Variants in MLLT3 observed in about 807,000 individuals in gnomAD.
The protein encoded by MLLT3 is protein AF-9.
MLLT3 carries 4 observed loss-of-function variants against 53.2 expected under a neutral mutation model. The ratio of observed to expected loss-of-function variants is 0.08; its 90% CI spans 0.04 to 0.17. MLLT3 has a LOEUF of 0.17. MLLT3 is among the 10% of genes least tolerant of loss of function. The pLI is 1.00. For missense variants in MLLT3, 569 were observed against 684.0 expected, an observed-to-expected ratio of 0.83 and a Z score of 1.87; for synonymous variants, 283 against 230.6, an observed-to-expected ratio of 1.23 and a Z score of -2.06.
intron 3 of MLLT3, among the ~76,000 whole-genome samples, chr9:20,449,469 A>G (rs896615221): frequency 3.3e-5 from 5 of 152,220 alleles, no homozygotes; most frequent in African/African-American, 1.2e-4. Flanking sequence ...ATCTTTAGCC[A>G]CGCAAGGTGA....
At chr9:20,509,550 T>C (rs1825472979) in intron 2 of MLLT3, among the ~76,000 whole-genome samples, 1 of 152,206 alleles carries the variant, frequency 6.6e-6, no homozygotes. Context: ...CTCCTAAGCA[T>C]TAATATCTAC....
At chr9:20,467,813 G>A (rs1824273232) in intron 2 of MLLT3, among the ~76,000 whole-genome samples, 1 of 152,204 alleles carries the variant, frequency 6.6e-6, no homozygotes, top group African/African-American at 2.4e-5. Flanking sequence ...CAGAAATTAT[G>A]ACTGTACCTC....
intron 10 of MLLT3, among the ~76,000 whole-genome samples, chr9:20,351,039 C>A (rs1220702940): frequency 6.6e-6 from 1 of 152,146 alleles, no homozygotes; most frequent in African/African-American, 2.4e-5. Context: ...CACGGACAAC[C>A]ACCACATAAA....
chr9:20,486,673 T>C (rs531211137), intron 2 of MLLT3, among the ~76,000 whole-genome samples: 157 of 152,278 alleles, frequency 1.0e-3, no homozygotes, highest in African/African-American at 3.7e-3. Flanking sequence ...GGAAGACACG[T>C]GGCAACAAAT....
intron 4 of MLLT3, among the ~76,000 whole-genome samples, chr9:20,421,283 A>G (rs1823001980): frequency 6.6e-6 from 1 of 152,098 alleles, no homozygotes; most frequent in Non-Finnish European, 1.5e-5. Context: ...AATAAAATAA[A>G]TAAATTAAAG....
rs1820846825 is a variant in MLLT3 at position 20,345,620 on chromosome 9, G to A, written c.*823C>T. ...CAATGCTGGATTCAGGACATTTACA[G>A]GTACACTTTTGTTTAAAAGTCCTAC... is the stretch of plus-strand genomic sequence containing the variant. On this transcript the variant is annotated 3_prime_UTR_variant, in exon 11 of 11. Transcript: ENST00000380338. The A allele has an allele frequency of 4.8e-6, 1 of 209,764 alleles. No individual in the cohort carries two copies. Among genetic ancestry groups the A allele is most frequent in the South Asian group, 1.9e-4 (1 of 5,304 alleles). 13.0% of individuals were successfully genotyped at this position (209,764 alleles called of 1,614,324 possible).
chr9:20,621,718 G>T lies in MLLT3; in HGVS notation c.12+527C>A. ...CTGGGGCAAAGTTGCGTGCGGCCCCGCCGCTGTCAGCCCCGCACACTTCGG... is the reference window on the plus strand; with the variant it reads ...CTGGGGCAAAGTTGCGTGCGGCCCCTCCGCTGTCAGCCCCGCACACTTCGG... On this transcript the variant is annotated intron_variant, in intron 1 of 10. Transcript: ENST00000380338. This position sits in a 1 kb window ranked among gnomAD's most constrained non-coding sequence, Gnocchi z 7.0. 6.8e-7 allele frequency: 1 copy of T among 1,475,954 alleles called. No individual in the cohort carries two copies. The highest frequency in any genetic ancestry group is 9.0e-7 in the Non-Finnish European group (1 of 1,115,846). 91.4% of individuals were successfully genotyped at this position (1,475,954 alleles called of 1,614,324 possible).
intron 4 of MLLT3, among the ~76,000 whole-genome samples, chr9:20,447,084 C>A (rs1006288627): frequency 6.6e-6 from 1 of 152,088 alleles, no homozygotes; most frequent in Non-Finnish European, 1.5e-5. Context: ...AATAGTCACA[C>A]AATTATATAC....
At chr9:20,363,313 C>T (rs1821370840) in intron 7 of MLLT3, 163 bp downstream of exon 7, 1 of 699,642 alleles carries the variant, frequency 1.4e-6, no homozygotes, top group Non-Finnish European at 2.2e-6. Flanking sequence ...AAACAGTTCC[C>T]TGTAAAGTGT....
intron 2 of MLLT3, among the ~76,000 whole-genome samples, chr9:20,586,933 A>T (rs1165147374): frequency 1.3e-5 from 2 of 152,128 alleles, no homozygotes; most frequent in African/African-American, 4.8e-5. Context: ...ATGAAATGAA[A>T]CCTCAATCTG....
intron 2 of MLLT3, among the ~76,000 whole-genome samples, chr9:20,498,441 T>G (rs1055588880): frequency 6.6e-6 from 1 of 152,096 alleles, no homozygotes; most frequent in Non-Finnish European, 1.5e-5. Flanking sequence ...TCTCCTTTGA[T>G]GAAGTGTCTA....
At chr9:20,541,849 A>C (rs1587047601) in intron 2 of MLLT3, among the ~76,000 whole-genome samples, 1 of 152,184 alleles carries the variant, frequency 6.6e-6, no homozygotes, top group Non-Finnish European at 1.5e-5. Flanking sequence ...TACCTCTTTT[A>C]GTACACCTAC....
At chr9:20,593,584 T>A (rs1238655121) in intron 2 of MLLT3, among the ~76,000 whole-genome samples, 2 of 152,232 alleles carry the variant, frequency 1.3e-5, no homozygotes. Flanking sequence ...TTTCAACAAC[T>A]ATGGTACATC....
At position 20,379,750 on chromosome 9, in the gene MLLT3, C is replaced by T. The variant is rs577609169; in HGVS notation, c.1126-14006G>A. Among the ~76,000 whole-genome samples the T allele has an allele frequency of 3.9e-5, 6 of 152,072 alleles. No individual in the cohort carries two copies. The South Asian group carries it at 8.3e-4, about 21-fold the overall frequency. On this transcript the variant is annotated intron_variant, in intron 5 of 10. Transcript: ENST00000380338. ...TACTCACCCATTCACTCCAGTTAGG[C>T]TTAACATTCTTAACAAGTAAGTAGA...
intron 2 of MLLT3, among the ~76,000 whole-genome samples, chr9:20,482,514 A>G (rs920253429): frequency 3.9e-5 from 6 of 152,230 alleles, no homozygotes; most frequent in African/African-American, 1.4e-4. Flanking sequence ...TAGAATGGCG[A>G]GTAAAATCAA....
At chr9:20,567,596 G>A (rs754138792) in intron 2 of MLLT3, among the ~76,000 whole-genome samples, 24 of 152,106 alleles carry the variant, frequency 1.6e-4, no homozygotes, top group Non-Finnish European at 2.8e-4. Flanking sequence ...CCAAGAAAGC[G>A]TAACTGCAAG....
intron 2 of MLLT3, among the ~76,000 whole-genome samples, chr9:20,614,616 A>G (rs1286777738): frequency 6.7e-6 from 1 of 149,946 alleles, no homozygotes; most frequent in African/African-American, 2.5e-5. Context: ...TGACTTTTCT[A>G]CAATGAACAA....
At chr9:20,459,705 T>C (rs967700458) in intron 2 of MLLT3, among the ~76,000 whole-genome samples, 1 of 152,216 alleles carries the variant, frequency 6.6e-6, no homozygotes, top group African/African-American at 2.4e-5. Context: ...CATCTTATCG[T>C]TGAATATCTT....
intron 2 of MLLT3, among the ~76,000 whole-genome samples, chr9:20,592,784 G>A (rs1563834666): frequency 6.6e-6 from 1 of 152,086 alleles, no homozygotes; most frequent in Non-Finnish European, 1.5e-5. Flanking sequence ...TAGAATGCAG[G>A]TGCACTTCAG....
Sources: gnomAD v4.1 joint callset for allele counts (sites outside exome capture counted in the v4.1 genomes callset) on GRCh38, gnomAD v4.1.1 for gene constraint, Gnocchi (gnomAD v3.1) non-coding constraint, MANE v1.5 for transcripts, NCBI Gene and HGNC (gene_info 2026-07-23, HGNC 2026-07-21) for gene names.